Variants in PAXIP1 observed in about 807,000 individuals in gnomAD.
PAXIP1 encodes PAX-interacting protein 1.
Under a neutral mutation model 140.6 loss-of-function variants are expected in PAXIP1, and 19 were observed. That is an observed-to-expected ratio of 0.14 (90% CI 0.09 to 0.20). PAXIP1 has a LOEUF of 0.20. Among genes scored for constraint, PAXIP1 ranks in the 10% least tolerant of loss-of-function variants. The pLI is 1.00. For synonymous variants in PAXIP1, 442 were observed against 444.6 expected (o/e 0.99, Z 0.07); for missense variants, 920 against 1,208.6 (o/e 0.76, Z 3.54).
At position 154,954,415 on chromosome 7, in the gene PAXIP1, G is replaced by A. The variant is rs747638313; in HGVS notation, c.2661C>T (p.Tyr887=). 3 of 1,543,516 alleles carry A rather than the reference G, an allele frequency of 1.9e-6. No individual in the cohort carries two copies. The highest frequency in any genetic ancestry group is 2.4e-5 in the South Asian group (2 of 83,116). The change falls in exon 16 of 21, where the codon TAC becomes TAT. Residue 887 remains tyrosine, a synonymous_variant. Transcript: ENST00000404141. The surrounding 1 kb of genome is among the most constrained non-coding windows in gnomAD (Gnocchi z 5.1). ...ACTCCGCAACCTCTCCACCAAGAAT[G>A]TAGAGCTTCTAAAGGTCACAAACAC... ...VQVQQYIKKL[Y]ILGGEVAESA... is the part of the protein sequence containing the mutation.
intron 5 of PAXIP1, among the ~76,000 whole-genome samples, chr7:154,977,023 G>A (rs933875436): frequency 3.9e-5 from 6 of 152,194 alleles, no homozygotes; most frequent in Non-Finnish European, 5.9e-5. Flanking sequence ...TGGAGGGCAG[G>A]AGGAAAGCCC....
At chr7:154,947,399 T>C (rs1369611948) in intron 17 of PAXIP1, 1 of 155,746 alleles carries the variant, frequency 6.4e-6, no homozygotes, top group Non-Finnish European at 1.4e-5. Flanking sequence ...TTGATTTACT[T>C]AGTTCTTTGG....
At chr7:154,945,325 T>C (rs905515869) in intron 20 of PAXIP1, 6 of 177,540 alleles carry the variant, frequency 3.4e-5, no homozygotes, top group Non-Finnish European at 6.6e-5. Context: ...GATATCAAGG[T>C]CTTCTGTCTA....
intron 16 of PAXIP1, among the ~76,000 whole-genome samples, chr7:154,952,756 A>G (rs1808328405): frequency 6.6e-6 from 1 of 152,224 alleles, no homozygotes; most frequent in Non-Finnish European, 1.5e-5. Flanking sequence ...TCACTAACTC[A>G]GTGTCTGTGC....
At chr7:154,977,804 A>G (rs1256608569) in intron 5 of PAXIP1, among the ~76,000 whole-genome samples, 1 of 152,210 alleles carries the variant, frequency 6.6e-6, no homozygotes, top group East Asian at 1.9e-4. Context: ...TAGTGAACAA[A>G]TACTTTATAA....
chr7:154,961,756 G>A, intron 10 of PAXIP1, 108 bp from the exon 11 acceptor site: 1 of 965,162 alleles, frequency 1.0e-6, no homozygotes, highest in Admixed American at 2.7e-5. Flanking sequence ...CTATTTCTTT[G>A]GCATTATGGA....
rs1471100922 is a variant in PAXIP1 at position 154,954,970 on chromosome 7, G to C, written c.2653-547C>G. Among the ~76,000 whole-genome samples, 1 of 152,148 alleles carries C rather than the reference G, an allele frequency of 6.6e-6. No homozygotes were observed. The highest frequency in any genetic ancestry group is 2.4e-5 in the African/African-American group (1 of 41,424). On this transcript the variant is annotated intron_variant, in intron 15 of 20. Coordinates refer to ENST00000404141, the MANE Select transcript of PAXIP1 (RefSeq NM_007349.4). The surrounding 1 kb of genome is among the most constrained non-coding windows in gnomAD (Gnocchi z 5.1). ...TTCTTTTCCTTAAAAAGGAAACCAGGAGTAAAATGTACGAATCCACCATAA... is the reference window on the plus strand; with the variant it reads ...TTCTTTTCCTTAAAAAGGAAACCAGCAGTAAAATGTACGAATCCACCATAA...
At chr7:154,998,848 A>C (rs1375808398) in intron 1 of PAXIP1, 64 bp from the exon 2 acceptor site, 2 of 1,387,536 alleles carry the variant, frequency 1.4e-6, no homozygotes, top group Non-Finnish European at 2.0e-6. Flanking sequence ...CTTGAATTAC[A>C]GAAATAATTA....
At position 154,963,170 on chromosome 7, in the gene PAXIP1, CCTTT is replaced by C. The variant is rs888248702; in HGVS notation, c.1989+497_1989+500del. On this transcript the variant is annotated intron_variant, in intron 9 of 20. Coordinates refer to ENST00000404141, the MANE Select transcript of PAXIP1 (RefSeq NM_007349.4). The surrounding 1 kb of genome is among the most constrained non-coding windows in gnomAD (Gnocchi z 4.1). ...AATGGTGACTGCAGGGAGTGTCCGC[CCTTT>C]CTTTCTTTTATTTTTTTTTGAGATG... Among the ~76,000 whole-genome samples, 25 of 152,132 alleles carry C rather than the reference CCTTT, an allele frequency of 1.6e-4. No individual in the cohort carries two copies. The highest frequency in any genetic ancestry group is 2.2e-4 in the African/African-American group (9 of 41,496).
At position 154,947,945 on chromosome 7, in the gene PAXIP1, C is replaced by T; in HGVS notation, c.2880G>A (p.Leu960=). Reference sequence around the variant, plus strand: ...CGTGTGCCCGTTTTAAGGATTCTTCCAAGCTGAAAGAGAAAAGTACTTCTG... The same window carrying T: ...CGTGTGCCCGTTTTAAGGATTCTTCTAAGCTGAAAGAGAAAAGTACTTCTG... ...AEAEVLFSFS[L]EESLKRAHVS... The change falls in exon 17 of 21, where the codon TTG becomes TTA. Residue 960 remains leucine, a synonymous_variant. Transcript: ENST00000404141. 1 of 1,613,630 alleles carries T rather than the reference C, an allele frequency of 6.2e-7. No homozygotes were observed. The highest frequency in any genetic ancestry group is 8.5e-7 in the Non-Finnish European group (1 of 1,179,592).
At position 154,945,538 on chromosome 7, in the gene PAXIP1, C is replaced by T. The variant is rs7808398; in HGVS notation, c.3194+827G>A. Reference sequence around the variant, plus strand: ...CTTACTGAAGCAGTCCTATCCCAAACACAAAATTCCCCTGCTTAAGGAAAG... The same window carrying T: ...CTTACTGAAGCAGTCCTATCCCAAATACAAAATTCCCCTGCTTAAGGAAAG... On this transcript the variant is annotated intron_variant, in intron 20 of 20. Coordinates refer to ENST00000404141, the MANE Select transcript of PAXIP1 (RefSeq NM_007349.4). 2.2e-3 allele frequency: 2,155 copies of T among 985,386 alleles called. 32 individuals are homozygous for T. In the African/African-American group the frequency reaches 0.031, roughly 14 times the overall value. The allele number at this position is 985,386 out of a possible 1,614,324, so 61.0% of individuals were successfully genotyped here. A position where few individuals can be genotyped will look rare whatever the true frequency, so the allele number is the denominator to read the frequency against.
At chr7:154,969,699 A>G (rs898108672) in intron 6 of PAXIP1, among the ~76,000 whole-genome samples, 5 of 152,226 alleles carry the variant, frequency 3.3e-5, no homozygotes, top group Non-Finnish European at 7.3e-5. Flanking sequence ...CACCTTCCAG[A>G]TGAAAGCAGC....
intron 4 of PAXIP1, among the ~76,000 whole-genome samples, chr7:154,984,286 G>C (rs1809967605): frequency 6.6e-6 from 1 of 152,046 alleles, no homozygotes; most frequent in Non-Finnish European, 1.5e-5. Flanking sequence ...AAAAGCAAAA[G>C]AACATTTAAG....
At chr7:154,947,655 A>G (rs1808055563) in intron 17 of PAXIP1, 7 of 410,530 alleles carry the variant, frequency 1.7e-5, no homozygotes, top group Non-Finnish European at 3.1e-5. Flanking sequence ...TCATAGATGT[A>G]TTTATTAAAT....
At chr7:154,974,964 G>A (rs1244878342) in intron 6 of PAXIP1, among the ~76,000 whole-genome samples, 2 of 147,346 alleles carry the variant, frequency 1.4e-5, no homozygotes, top group African/African-American at 5.0e-5. Flanking sequence ...GGCCAACATG[G>A]TGAAACTCTG....
Position 154,958,190 on chromosome 7 carries a change from C to T in PAXIP1, c.2479-896G>A, listed in dbSNP as rs78060972. Among the ~76,000 whole-genome samples, 514 of 152,260 alleles carry T rather than the reference C, an allele frequency of 3.4e-3. 4 individuals are homozygous for T. Among genetic ancestry groups the T allele is most frequent in the African/African-American group, 0.012 (499 of 41,548 alleles). On this transcript the variant is annotated intron_variant, in intron 13 of 20. Coordinates refer to ENST00000404141, the MANE Select transcript of PAXIP1 (RefSeq NM_007349.4). ...CATCCACTAGGACCAGCTCCAGTCCCTGACCCTGGAGCAGAAGCCATGCCA... is the reference window on the plus strand; with the variant it reads ...CATCCACTAGGACCAGCTCCAGTCCTTGACCCTGGAGCAGAAGCCATGCCA...
rs1585049506 is a variant in PAXIP1 at position 154,962,912 on chromosome 7, G to T, written c.1990-454C>A. ...TGTGAATGGCTATCCTCTTTAAGAGGGGTGTCTTGGAAGTCATTTGTCACA... is the reference window on the plus strand; with the variant it reads ...TGTGAATGGCTATCCTCTTTAAGAGTGGTGTCTTGGAAGTCATTTGTCACA... On this transcript the variant is annotated intron_variant, in intron 9 of 20. Transcript: ENST00000404141. Among the ~76,000 whole-genome samples the T allele has an allele frequency of 2.0e-5, 3 of 152,140 alleles. No individual in the cohort carries two copies. In the East Asian group the frequency reaches 5.8e-4, roughly 29 times the overall value.
intron 2 of PAXIP1, among the ~76,000 whole-genome samples, chr7:154,997,569 T>C (rs914414634): frequency 6.6e-6 from 1 of 152,248 alleles, no homozygotes; most frequent in Admixed American, 6.5e-5. Context: ...ATAGGGAAGA[T>C]CTGAAATAAA....
rs755941256 is a variant in PAXIP1 at position 154,944,141 on chromosome 7, A to G, written c.*8T>C. 6.2e-6 allele frequency: 10 copies of G among 1,611,738 alleles called. No homozygotes were observed. Among genetic ancestry groups the G allele is most frequent in the Non-Finnish European group, 8.5e-6 (10 of 1,178,706 alleles). ...CAGGAGTCGACATGCACGGCAGCCT[A>G]GACGCCATCAGTTAAACTTATATGT... is the stretch of plus-strand genomic sequence containing the variant. On this transcript the variant is annotated 3_prime_UTR_variant, in exon 21 of 21. Transcript: ENST00000404141.
Sources: gnomAD v4.1 joint callset for allele counts (sites outside exome capture counted in the v4.1 genomes callset) on GRCh38, gnomAD v4.1.1 for gene constraint, Gnocchi (gnomAD v3.1) non-coding constraint, MANE v1.5 for transcripts, NCBI Gene and HGNC (gene_info 2026-07-23, HGNC 2026-07-21) for gene names.